CNOT8: variants seen among roughly 807,000 people sequenced by gnomAD.
The protein encoded by CNOT8 is CCR4-NOT transcription complex subunit 8, also known as CAF1-like protein.
A neutral mutation model predicts 34.6 loss-of-function variants in CNOT8; 18 were observed. The ratio of observed to expected loss-of-function variants is 0.52; its 90% CI spans 0.36 to 0.77. The LOEUF (loss-of-function observed/expected upper bound fraction) is 0.77. CNOT8 is among the 30% of genes least tolerant of loss of function. CNOT8 has a pLI of 0.00. For synonymous variants in CNOT8, 101 were observed against 118.8 expected (o/e 0.85, Z 0.98); for missense variants, 189 against 347.9 (o/e 0.54, Z 3.63).
chr5:154,866,425 T>C (rs1045887881), intron 3 of CNOT8, among the ~76,000 whole-genome samples: 3 of 152,150 alleles, frequency 2.0e-5, no homozygotes, highest in African/African-American at 7.2e-5. Flanking sequence ...TTTTTATTGT[T>C]GTTCGTATGT....
At chr5:154,859,649 G>A (rs1761132769) in intron 1 of CNOT8, 1 of 152,198 alleles carries the variant, frequency 6.6e-6, no homozygotes, top group Non-Finnish European at 1.5e-5. Flanking sequence ...GTACACTTGG[G>A]CTTAAACGAA....
intron 1 of CNOT8, among the ~76,000 whole-genome samples, 172 bp from the exon 2 acceptor site, chr5:154,863,035 A>G (rs530794065): frequency 5.3e-5 from 8 of 151,412 alleles, no homozygotes; most frequent in Non-Finnish European, 7.4e-5. Flanking sequence ...GCGTGTGTGC[A>G]TGTGTGTGTG....
Position 154,871,731 on chromosome 5 carries a change from G to A in CNOT8, c.475G>A (p.Gly159Ser). Residue 159 changes from glycine to serine, a missense_variant and splice_region_variant, in exon 5 of 7, where the codon GGC becomes AGC. By Grantham distance (56) the Gly-to-Ser change is moderately conservative. Transcript: ENST00000285896. ...DNVKWLSFHS[G>S]YDFGYMVKLL... ...CCTCTGTGGTTTATTCTCTTGTAGTGGCTATGATTTTGGCTATATGGTAAA... is the reference window on the plus strand; with the variant it reads ...CCTCTGTGGTTTATTCTCTTGTAGTAGCTATGATTTTGGCTATATGGTAAA... 6.2e-7 allele frequency: 1 copy of A among 1,613,892 alleles called. No homozygotes were observed. The highest frequency in any genetic ancestry group is 8.5e-7 in the Non-Finnish European group (1 of 1,179,916).
chr5:154,860,163 C>G (rs1761186674), intron 1 of CNOT8, among the ~76,000 whole-genome samples: 1 of 152,040 alleles, frequency 6.6e-6, no homozygotes. Context: ...ATTTGAAAGC[C>G]ATAGAGTTGT....
chr5:154,865,735 G>A (rs1761803833), intron 3 of CNOT8, among the ~76,000 whole-genome samples: 1 of 152,198 alleles, frequency 6.6e-6, no homozygotes, highest in Non-Finnish European at 1.5e-5. Flanking sequence ...TGTTGAGGGT[G>A]TGGAGAAAAT....
chr5:154,868,900 C>T (rs537940707), intron 3 of CNOT8, among the ~76,000 whole-genome samples: 10 of 152,300 alleles, frequency 6.6e-5, no homozygotes, highest in Admixed American at 5.9e-4. Context: ...TCCTTAGCTG[C>T]TCCTTTGATC....
At position 154,863,121 on chromosome 5, in the gene CNOT8, T is replaced by C. The variant is rs1213480083; in HGVS notation, c.-72-86T>C. ...TAATGTTTTAAACTAATGAAGTGATTGTAAAATATTATTTTGATGTCTTTG... is the reference window on the plus strand; with the variant it reads ...TAATGTTTTAAACTAATGAAGTGATCGTAAAATATTATTTTGATGTCTTTG... On this transcript the variant is annotated intron_variant, in intron 1 of 6. Coordinates refer to ENST00000285896, the MANE Select transcript of CNOT8 (RefSeq NM_001301073.2). 4 of 614,234 alleles carry C rather than the reference T, an allele frequency of 6.5e-6. No homozygotes were observed. In the African/African-American group the frequency reaches 7.4e-5, roughly 11 times the overall value. 38.0% of individuals were successfully genotyped at this position (614,234 alleles called of 1,614,324 possible).
chr5:154,866,146 T>C (rs1283398763), intron 3 of CNOT8, among the ~76,000 whole-genome samples: 1 of 152,140 alleles, frequency 6.6e-6, no homozygotes, highest in Non-Finnish European at 1.5e-5. Flanking sequence ...ATCGGGAGTG[T>C]TTCATGATTT....
intron 3 of CNOT8, 94 bp downstream of exon 3, chr5:154,865,479 C>T (rs1249457912): frequency 1.4e-6 from 1 of 734,702 alleles, no homozygotes; most frequent in African/African-American, 1.8e-5. Flanking sequence ...GAGGACGGAA[C>T]AGGGAATCTC....
intron 5 of CNOT8, among the ~76,000 whole-genome samples, chr5:154,872,078 T>C (rs925820523): frequency 6.6e-6 from 1 of 152,224 alleles, no homozygotes; most frequent in Admixed American, 6.5e-5. Context: ...CCTCTGCTTC[T>C]GTCATCTTAA....
rs538744427 is a variant in CNOT8 at position 154,875,506 on chromosome 5, T to C, written c.*67T>C. 24 of 1,556,602 alleles carry C rather than the reference T, an allele frequency of 1.5e-5. No homozygotes were observed. The African/African-American group carries it at 2.2e-4, about 14-fold the overall frequency. On this transcript the variant is annotated 3_prime_UTR_variant, in exon 7 of 7. Transcript: ENST00000285896. ...GCTTACTGTGCTGACTGTGTACTTA[T>C]CTTCCCCAAGAGAAAATGCTTCTTT...
chr5:154,866,861 C>G (rs528170681), intron 3 of CNOT8, among the ~76,000 whole-genome samples: 1 of 151,892 alleles, frequency 6.6e-6, no homozygotes, highest in East Asian at 1.9e-4. Context: ...TGCAGTGAGT[C>G]GAGATTGTGC....
intron 1 of CNOT8, among the ~76,000 whole-genome samples, chr5:154,862,220 A>G (rs775685512): frequency 4.3e-4 from 66 of 151,900 alleles, no homozygotes; most frequent in Non-Finnish European, 8.7e-4. Flanking sequence ...TTTTTAATTT[A>G]TGTGTTTAAA....
chr5:154,872,371 G>A lies in CNOT8; in HGVS notation c.619-170G>A, dbSNP rs138169794. Among the ~76,000 whole-genome samples the A allele has an allele frequency of 5.3e-5, 8 of 152,264 alleles. No homozygotes were observed. The East Asian group carries it at 7.7e-4, about 15-fold the overall frequency. Reference sequence around the variant, plus strand: ...AATGTAGGATGTAGCACAATATAGCGTCTGGAAAAAGGGAATAAAAGAGCT... The same window carrying A: ...AATGTAGGATGTAGCACAATATAGCATCTGGAAAAAGGGAATAAAAGAGCT... On this transcript the variant is annotated intron_variant, in intron 5 of 6. Transcript: ENST00000285896.
At chr5:154,860,809 G>A (rs1434461346) in intron 1 of CNOT8, among the ~76,000 whole-genome samples, 1 of 152,128 alleles carries the variant, frequency 6.6e-6, no homozygotes, top group Non-Finnish European at 1.5e-5. Context: ...TTTGCCAACT[G>A]TCTGGCTTCG....
chr5:154,875,471 CCA>C lies in CNOT8; in HGVS notation c.*33_*34del. ...CAGGCTCTGCAGGGTGGGCCTGATC[CCA>C]GAGTGGTGCTTACTGTGCTGACTGT... On this transcript the variant is annotated 3_prime_UTR_variant, in exon 7 of 7. Transcript: ENST00000285896. 2 of 1,609,686 alleles carry C rather than the reference CCA, an allele frequency of 1.2e-6. No individual in the cohort carries two copies. Among genetic ancestry groups the C allele is most frequent in the Non-Finnish European group, 1.7e-6 (2 of 1,178,844 alleles).
rs1177294151 is a variant in CNOT8 at position 154,865,329 on chromosome 5, G to A, written c.255G>A (p.Lys85=). 1 of 1,611,928 alleles carries A rather than the reference G, an allele frequency of 6.2e-7. No homozygotes were observed. The highest frequency in any genetic ancestry group is 1.1e-5 in the South Asian group (1 of 90,352). Residue 85 remains lysine, a synonymous_variant, in exon 3 of 7, where the codon AAG becomes AAA. Coordinates refer to ENST00000285896, the MANE Select transcript of CNOT8 (RefSeq NM_001301073.2). The part of the protein sequence containing the change: ...IQLGLTFTNE[K]GEYPSGINTW... ...TGGGCCTTACATTCACAAATGAGAA[G>A]GGAGAGTATCCTTCTGGAATCAATA...
intron 6 of CNOT8, 51 bp from the exon 7 acceptor site, chr5:154,875,239 G>C: frequency 6.3e-7 from 1 of 1,595,258 alleles, no homozygotes; most frequent in Non-Finnish European, 8.6e-7. Context: ...ATTTATACTT[G>C]TCATGACTTC....
In CNOT8 at chr5:154,863,360, C is replaced by T. The variant is rs1761534903; in HGVS notation, c.82C>T (p.Arg28Ter). The change falls in exon 2 of 7, where the codon CGA (arginine) becomes TGA (stop). Residue 28 changes from arginine (R) to a stop codon, truncating the protein, a stop_gained. Transcript: ENST00000285896. LOFTEE classifies it high-confidence loss of function. ...SNLEEEMRKI[R>*]EIVLSYSYIA... ...TCTAGAAGAAGAGATGAGGAAGATC[C>T]GAGAAATCGTGCTCAGTTACAGTTA... 5.0e-6 allele frequency: 8 copies of T among 1,613,714 alleles called. No individual in the cohort carries two copies. Among genetic ancestry groups the T allele is most frequent in the South Asian group, 1.1e-5 (1 of 91,056 alleles).
Sources: gnomAD v4.1 joint callset for allele counts (sites outside exome capture counted in the v4.1 genomes callset) on GRCh38, gnomAD v4.1.1 for gene constraint, MANE v1.5 for transcripts, NCBI Gene and HGNC (gene_info 2026-07-23, HGNC 2026-07-21) for gene names.